Variants in TNIK observed in about 807,000 individuals in gnomAD.
TNIK encodes the protein TRAF2 and NCK-interacting protein kinase.
A neutral mutation model predicts 191.3 loss-of-function variants in TNIK; 49 were observed. The observed-to-expected ratio is 0.26, with a 90% CI of 0.20 to 0.32. The LOEUF (loss-of-function observed/expected upper bound fraction) is 0.32, where lower values mean the gene tolerates loss of function less well. Among genes scored for constraint, TNIK ranks in the 10% least tolerant of loss-of-function variants. The probability of loss-of-function intolerance (pLI) is 1.00; values close to 1 mark genes in which losing one functional copy is unlikely to be tolerated. For synonymous variants in TNIK, 594 were observed against 600.9 expected, an observed-to-expected ratio of 0.99 and a Z score of 0.17; for missense variants, 1,155 against 1,702.3, an observed-to-expected ratio of 0.68 and a Z score of 5.66.
At chr3:171,364,523 G>A (rs1715427181) in intron 2 of TNIK, among the ~76,000 whole-genome samples, 1 of 152,190 alleles carries the variant, frequency 6.6e-6, no homozygotes, top group Non-Finnish European at 1.5e-5. Flanking sequence ...TCAATTCTGG[G>A]CCCCAGAAGT....
At chr3:171,372,291 G>A (rs1716604582) in intron 1 of TNIK, among the ~76,000 whole-genome samples, 1 of 152,234 alleles carries the variant, frequency 6.6e-6, no homozygotes, top group Non-Finnish European at 1.5e-5. Context: ...GGCCTCAGAA[G>A]TAAAGTTCAG....
At chr3:171,210,990 G>A (rs552074493) in intron 4 of TNIK, 126 bp downstream of exon 4, 50 of 1,183,674 alleles carry the variant, frequency 4.2e-5, no homozygotes, top group East Asian at 2.3e-4. Flanking sequence ...AATATGTTAC[G>A]GACATCATGG....
intron 2 of TNIK, among the ~76,000 whole-genome samples, chr3:171,305,371 A>G (rs955665979): frequency 3.9e-5 from 6 of 152,184 alleles, no homozygotes; most frequent in African/African-American, 1.4e-4. Context: ...AATGGGACCT[A>G]ATTAAATTAA....
intron 23 of TNIK, among the ~76,000 whole-genome samples, chr3:171,093,072 A>G (rs1722268145): frequency 6.6e-6 from 1 of 152,216 alleles, no homozygotes; most frequent in South Asian, 2.1e-4. Flanking sequence ...GTCAGGTAAC[A>G]TTTGCCCAAT....
At chr3:171,184,392 G>A (rs1415332216) in intron 7 of TNIK, among the ~76,000 whole-genome samples, 1 of 152,176 alleles carries the variant, frequency 6.6e-6, no homozygotes, top group Non-Finnish European at 1.5e-5. Flanking sequence ...GTGACCAAAG[G>A]GAAAATATTA....
intron 2 of TNIK, among the ~76,000 whole-genome samples, chr3:171,263,444 C>T (rs1243301530): frequency 1.3e-5 from 2 of 152,102 alleles, no homozygotes; most frequent in Non-Finnish European, 2.9e-5. Flanking sequence ...ACTCTGTCAA[C>T]AGAGAGGAAC....
intron 2 of TNIK, among the ~76,000 whole-genome samples, chr3:171,287,530 T>C (rs1224050864): frequency 6.6e-6 from 1 of 152,230 alleles, no homozygotes; most frequent in Admixed American, 6.5e-5. Context: ...GGAAGTCTCC[T>C]AACAATTTCC....
chr3:171,084,343 A>G lies in TNIK; in HGVS notation c.2999-18T>C, dbSNP rs764619132. The G allele has an allele frequency of 1.2e-6, 2 of 1,605,316 alleles. No homozygotes were observed. The highest frequency in any genetic ancestry group is 3.4e-5 in the Admixed American group (2 of 59,596). On this transcript the variant is annotated intron_variant, in intron 25 of 32. Coordinates refer to ENST00000436636, the MANE Select transcript of TNIK (RefSeq NM_015028.4). ...AAACAGAGCTTTGAGAAAAAGAATC[A>G]GAGAAGTCAGTGACATCTTAAAAGA...
At chr3:171,436,987 C>T (rs576974232) in intron 1 of TNIK, among the ~76,000 whole-genome samples, 8 of 152,290 alleles carry the variant, frequency 5.3e-5, no homozygotes, top group African/African-American at 7.2e-5. Context: ...TCAAGCACAG[C>T]GGCATCTGTG....
At chr3:171,419,476 T>C (rs1723488931) in intron 1 of TNIK, among the ~76,000 whole-genome samples, 1 of 152,164 alleles carries the variant, frequency 6.6e-6, no homozygotes, top group South Asian at 2.1e-4. Context: ...ATTGAATACT[T>C]CAAATGGGTG....
chr3:171,401,931 A>G (rs187475966), intron 1 of TNIK, among the ~76,000 whole-genome samples: 4 of 152,350 alleles, frequency 2.6e-5, no homozygotes, highest in Admixed American at 2.0e-4. Context: ...TTCTGGAACC[A>G]AGCAAAGTGA....
At chr3:171,106,281 G>T (rs913676745) in intron 21 of TNIK, among the ~76,000 whole-genome samples, 2 of 152,192 alleles carry the variant, frequency 1.3e-5, no homozygotes, top group African/African-American at 2.4e-5. Flanking sequence ...TCTTGTAAGT[G>T]GGATGGGGAG....
chr3:171,423,517 A>G (rs1048431719), intron 1 of TNIK, among the ~76,000 whole-genome samples: 14 of 152,142 alleles, frequency 9.2e-5, no homozygotes, highest in African/African-American at 3.1e-4. Context: ...AAGAGCCCGC[A>G]TTGCCAAGTC....
At chr3:171,383,711 A>G (rs1199282059) in intron 1 of TNIK, among the ~76,000 whole-genome samples, 1 of 152,252 alleles carries the variant, frequency 6.6e-6, no homozygotes, top group East Asian at 1.9e-4. Context: ...GAGACTATTA[A>G]GAAAGCTCTA....
At chr3:171,068,762 TC>T in intron 30 of TNIK, 85 bp downstream of exon 30, 1 of 1,377,376 alleles carries the variant, frequency 7.3e-7, no homozygotes, top group East Asian at 2.6e-5. Context: ...GTGCATGACT[TC>T]TACTAAAACT....
At chr3:171,369,807 T>C in intron 1 of TNIK, 122 bp from the exon 2 acceptor site, 1 of 696,028 alleles carries the variant, frequency 1.4e-6, no homozygotes, top group South Asian at 2.2e-5. Context: ...GGGGCTCTCA[T>C]GTGTTAACAT....
intron 30 of TNIK, among the ~76,000 whole-genome samples, chr3:171,067,721 G>T (rs1419018080): frequency 6.6e-6 from 1 of 150,906 alleles, no homozygotes; most frequent in African/African-American, 2.4e-5. Context: ...ATATTAATTT[G>T]TTCTAGGAAA....
chr3:171,326,756 G>A (rs1244289096), intron 2 of TNIK, among the ~76,000 whole-genome samples: 1 of 152,174 alleles, frequency 6.6e-6, no homozygotes, highest in Non-Finnish European at 1.5e-5. Flanking sequence ...ACACCAGTCT[G>A]TGCAATTATA....
At chr3:171,200,766 A>G (rs1057335724) in intron 4 of TNIK, among the ~76,000 whole-genome samples, 2 of 152,234 alleles carry the variant, frequency 1.3e-5, no homozygotes, top group African/African-American at 4.8e-5. Context: ...TAAAAGATTT[A>G]GTCTCAAAGG....
Sources: allele counts gnomAD v4.1 joint callset (sites outside exome capture counted in the v4.1 genomes callset), GRCh38; gene constraint gnomAD v4.1.1; transcripts MANE v1.5; gene names NCBI Gene and HGNC (gene_info 2026-07-23, HGNC 2026-07-21).